The following MYOF variants were observed in gnomAD, a reference collection of about 807,000 sequenced individuals.
The protein encoded by MYOF is myoferlin.
Under a neutral mutation model 284.2 loss-of-function variants are expected in MYOF, and 244 were observed. The ratio of observed to expected loss-of-function variants is 0.86; its 90% CI spans 0.77 to 0.95. The LOEUF (loss-of-function observed/expected upper bound fraction) is 0.95, where lower values mean the gene tolerates loss of function less well. Ranked by LOEUF, MYOF falls within the 40% of genes least tolerant of loss-of-function variation. MYOF has a pLI of 0.00. For synonymous variants in MYOF, 904 were observed against 919.7 expected, an observed-to-expected ratio of 0.98 and a Z score of 0.31; for missense variants, 2,496 against 2,560.6, an observed-to-expected ratio of 0.97 and a Z score of 0.54.
chr10:93,381,788 T>G (rs971516473), intron 19 of MYOF, among the ~76,000 whole-genome samples: 2 of 152,144 alleles, frequency 1.3e-5, no homozygotes, highest in Non-Finnish European at 2.9e-5. Flanking sequence ...TGTAATCCCA[T>G]CACTTTGGGA....
chr10:93,449,621 G>T (rs372239495), intron 3 of MYOF, among the ~76,000 whole-genome samples: 1 of 152,172 alleles, frequency 6.6e-6, no homozygotes, highest in South Asian at 2.1e-4. Context: ...TCCAGTGCAA[G>T]AGAGTGGGAC....
At chr10:93,344,262 C>T (rs1041535628) in intron 37 of MYOF, among the ~76,000 whole-genome samples, 3 of 152,112 alleles carry the variant, frequency 2.0e-5, no homozygotes, top group Admixed American at 1.3e-4. Flanking sequence ...AAGTGGGGAA[C>T]CGACATTTTT....
At chr10:93,311,920 G>A (rs1032537143) in intron 51 of MYOF, among the ~76,000 whole-genome samples, 1 of 152,182 alleles carries the variant, frequency 6.6e-6, no homozygotes, top group Non-Finnish European at 1.5e-5. Context: ...GCAGGTCAGT[G>A]GTTTCCTGGG....
intron 5 of MYOF, among the ~76,000 whole-genome samples, chr10:93,415,590 A>T (rs1331290663): frequency 1.3e-5 from 2 of 152,192 alleles, no homozygotes; most frequent in Non-Finnish European, 2.9e-5. Context: ...TATTTCATTG[A>T]GAAAATTGGC....
At chr10:93,321,235 G>A (rs780597671) in intron 48 of MYOF, among the ~76,000 whole-genome samples, 10 of 152,072 alleles carry the variant, frequency 6.6e-5, no homozygotes, top group South Asian at 2.1e-4. Flanking sequence ...GTCTGATTGC[G>A]AAGTCCACAT....
chr10:93,311,515 G>C (rs1842389244), intron 51 of MYOF, among the ~76,000 whole-genome samples: 1 of 151,282 alleles, frequency 6.6e-6, no homozygotes, highest in African/African-American at 2.4e-5. Context: ...CAGCTACTTG[G>C]GAGGCAGAGG....
chr10:93,404,346 G>T, intron 7 of MYOF, 127 bp from the exon 8 acceptor site: 2 of 901,496 alleles, frequency 2.2e-6, no homozygotes, highest in Non-Finnish European at 3.4e-6. Flanking sequence ...GTTTGACCAT[G>T]TGAACACATG....
intron 48 of MYOF, among the ~76,000 whole-genome samples, chr10:93,322,093 C>G (rs1842866212): frequency 1.3e-5 from 2 of 151,784 alleles, no homozygotes; most frequent in South Asian, 4.2e-4. Context: ...GTAATGAGAT[C>G]CAAAAATAAT....
chr10:93,422,775 G>A (rs701850), intron 5 of MYOF, among the ~76,000 whole-genome samples: 51,685 of 151,926 alleles, frequency 0.34, 11,488 homozygotes, highest in South Asian at 0.48. Context: ...CGGCCTGGGT[G>A]ACAAAGCAAT....
rs115327053 is a variant in MYOF at position 93,412,092 on chromosome 10, C to T, written c.434-2353G>A. Among the ~76,000 whole-genome samples, 390 of 152,322 alleles carry T rather than the reference C, an allele frequency of 2.6e-3. 1 individual carries two copies. The highest frequency in any genetic ancestry group is 8.7e-3 in the African/African-American group (360 of 41,572). The stretch of plus-strand genomic sequence containing the variant: ...CCTTAGAGATCCTTGATCCAACCTA[C>T]CCTTCACCCCATTTTACAGACAGAA... On this transcript the variant is annotated intron_variant, in intron 5 of 53. Transcript: ENST00000359263.
At position 93,364,003 on chromosome 10, in the gene MYOF, G is replaced by A. The variant is rs758565811; in HGVS notation, c.2826C>T (p.Pro942=). ...CCTCGGCCGGCTTCCAGTCGCCCCC[G>A]GGGTAGCGGCTCTCGTTCTGATAGA... ...DEVYQNESRY[P]GGDWKPAEDT... is the part of the protein sequence containing the mutation. The change falls in exon 27 of 54, where the codon CCC becomes CCT. Residue 942 remains proline (P), a synonymous_variant. Transcript: ENST00000359263. 1.1e-5 allele frequency: 18 copies of A among 1,614,030 alleles called. No homozygotes were observed. The highest frequency in any genetic ancestry group is 8.8e-5 in the South Asian group (8 of 91,082).
chr10:93,458,817 T>C (rs776834230), intron 1 of MYOF, among the ~76,000 whole-genome samples: 7 of 152,238 alleles, frequency 4.6e-5, no homozygotes, highest in Non-Finnish European at 8.8e-5. Flanking sequence ...GGCCACACTT[T>C]GAATCACTCC....
chr10:93,389,437 C>T (rs1292700616), intron 17 of MYOF, among the ~76,000 whole-genome samples: 4 of 152,206 alleles, frequency 2.6e-5, no homozygotes, highest in African/African-American at 7.2e-5. Flanking sequence ...TTGACCTTCA[C>T]ATTTTTGCAA....
At chr10:93,357,867 A>G (rs1288171374) in intron 29 of MYOF, among the ~76,000 whole-genome samples, 1 of 152,180 alleles carries the variant, frequency 6.6e-6, no homozygotes, top group African/African-American at 2.4e-5. Flanking sequence ...TCCCGCTTCA[A>G]CTTGGTGCCC....
chr10:93,428,566 AACACACACACACACACACAC>A (rs58503520), intron 4 of MYOF, among the ~76,000 whole-genome samples: 5 of 143,822 alleles, frequency 3.5e-5, no homozygotes, highest in Admixed American at 7.0e-5. Context: ...ACATCTGGTA[AACACACACACACACACACAC>A]ACACACACAC....
In MYOF at chr10:93,478,836, A is replaced by AGAAAGAAAG. The variant is rs200937397; in HGVS notation, c.88+3270_88+3271insCTTTCTTTC. 6.4e-3 allele frequency among the ~76,000 whole-genome samples: 377 copies of AGAAAGAAAG among 58,916 alleles called. 5 individuals are homozygous for AGAAAGAAAG. The highest frequency in any genetic ancestry group is 0.045 in the Middle Eastern group (6 of 134). The allele number at this position is 58,916 out of a possible 152,430, so 38.7% of individuals were successfully genotyped here. A position where few individuals can be genotyped will look rare whatever the true frequency, so the allele number is the denominator to read the frequency against. ...GGGTGAAACAGTCTCAAAAAAAAAA[A>AGAAAGAAAG]AAAAAAAGAAAGAAAGAAAGAAAGG... On this transcript the variant is annotated intron_variant, in intron 1 of 53. Transcript: ENST00000359263.
intron 1 of MYOF, among the ~76,000 whole-genome samples, chr10:93,464,764 G>C (rs1056824702): frequency 6.6e-6 from 1 of 152,072 alleles, no homozygotes; most frequent in Admixed American, 6.6e-5. Context: ...ATGGCCTCAG[G>C]AAAAGTTAGG....
chr10:93,340,363 T>C (rs1843841918), intron 38 of MYOF, 199 bp from the exon 39 acceptor site: 1 of 555,788 alleles, frequency 1.8e-6, no homozygotes, highest in Non-Finnish European at 3.2e-6. Context: ...GAACCCACCT[T>C]ACTGGTTTCT....
In MYOF at chr10:93,387,919, A is replaced by G; in HGVS notation, c.1582-6T>C. The G allele has an allele frequency of 6.2e-7, 1 of 1,608,170 alleles. No homozygotes were observed. On this transcript the variant is annotated splice_region_variant and splice_polypyrimidine_tract_variant and intron_variant, in intron 18 of 53. Coordinates refer to ENST00000359263, the MANE Select transcript of MYOF (RefSeq NM_013451.4). ...CTGTAGGCAACTCCTTCCCCCTGAA[A>G]GGCAATAATCCAGGATTATTCCTCT... is the stretch of plus-strand genomic sequence containing the variant.
Sources: allele counts gnomAD v4.1 joint callset (sites outside exome capture counted in the v4.1 genomes callset), GRCh38; gene constraint gnomAD v4.1.1; transcripts MANE v1.5; gene names NCBI Gene and HGNC (gene_info 2026-07-23, HGNC 2026-07-21).